The following AHI1 variants were observed in gnomAD, a reference collection of about 807,000 sequenced individuals.
AHI1 encodes jouberin.
A neutral mutation model predicts 149.3 loss-of-function variants in AHI1; 123 were observed. The observed-to-expected ratio is 0.82, with a 90% confidence interval of 0.71 to 0.96. AHI1 has a LOEUF of 0.96. Ranked by LOEUF, AHI1 falls within the 40% of genes least tolerant of loss-of-function variation. The probability of loss-of-function intolerance (pLI) is 0.00; values close to 1 mark genes in which losing one functional copy is unlikely to be tolerated. For synonymous variants in AHI1, 475 were observed against 459.8 expected, an observed-to-expected ratio of 1.03 and a Z score of -0.42; for missense variants, 1,439 against 1,422.7, an observed-to-expected ratio of 1.01 and a Z score of -0.18.
chr6:135,413,022 A>C (rs1304355259), intron 20 of AHI1, among the ~76,000 whole-genome samples: 1 of 152,184 alleles, frequency 6.6e-6, no homozygotes, highest in African/African-American at 2.4e-5. Flanking sequence ...GAACATTTAA[A>C]GAGTCTTCAT....
At chr6:135,487,613 T>C (rs1794666978) in intron 5 of AHI1, among the ~76,000 whole-genome samples, 1 of 152,192 alleles carries the variant, frequency 6.6e-6, no homozygotes, top group South Asian at 2.1e-4. Flanking sequence ...ATACAGTGTA[T>C]AATAATCAAA....
At chr6:135,351,769 T>C (rs1792150546) in intron 24 of AHI1, among the ~76,000 whole-genome samples, 1 of 152,184 alleles carries the variant, frequency 6.6e-6, no homozygotes, top group African/African-American at 2.4e-5. Context: ...TATTTGTGCT[T>C]TGGATAAACA....
At chr6:135,330,933 A>C (rs964982281) in intron 24 of AHI1, among the ~76,000 whole-genome samples, 1 of 152,232 alleles carries the variant, frequency 6.6e-6, no homozygotes, top group Non-Finnish European at 1.5e-5. Context: ...ATGTCCAATT[A>C]GATTTTATTA....
intron 20 of AHI1, among the ~76,000 whole-genome samples, chr6:135,414,259 G>A (rs1782023511): frequency 6.6e-6 from 1 of 152,084 alleles, no homozygotes. Flanking sequence ...TGAAAAAAAT[G>A]AACTTTGATC....
At chr6:135,432,352 C>A (rs1784784886) in intron 16 of AHI1, among the ~76,000 whole-genome samples, 1 of 151,970 alleles carries the variant, frequency 6.6e-6, no homozygotes, top group Non-Finnish European at 1.5e-5. Flanking sequence ...TTAAAACATA[C>A]TACATTATTC....
chr6:135,477,638 T>C (rs190396677), intron 5 of AHI1, among the ~76,000 whole-genome samples: 2 of 152,182 alleles, frequency 1.3e-5, no homozygotes, highest in East Asian at 1.9e-4. Flanking sequence ...TGCTTGAAAG[T>C]GTGTAGCACG....
At chr6:135,492,849 G>C in intron 3 of AHI1, 1 of 985,140 alleles carries the variant, frequency 1.0e-6, no homozygotes, top group Non-Finnish European at 1.2e-6. Context: ...CAAAACCATG[G>C]TTCAACTCAG....
At chr6:135,390,191 C>T (rs575021495) in intron 23 of AHI1, among the ~76,000 whole-genome samples, 1 of 152,142 alleles carries the variant, frequency 6.6e-6, no homozygotes, top group Non-Finnish European at 1.5e-5. Flanking sequence ...GATAAAATAA[C>T]ATAGAATAAA....
chr6:135,335,395 T>G (rs1789225329), intron 24 of AHI1, among the ~76,000 whole-genome samples: 1 of 152,052 alleles, frequency 6.6e-6, no homozygotes, highest in African/African-American at 2.4e-5. Context: ...ATCAGTTACC[T>G]ATTATCAAAT....
chr6:135,384,888 A>G (rs553905082), intron 23 of AHI1, among the ~76,000 whole-genome samples: 1 of 152,226 alleles, frequency 6.6e-6, no homozygotes, highest in African/African-American at 2.4e-5. Flanking sequence ...CAGGAGTTCA[A>G]CACCAGCCTG....
At chr6:135,333,042 C>CTCTCTGATGGTCCTTTTCT (rs1788835085) in intron 24 of AHI1, among the ~76,000 whole-genome samples, 1 of 152,208 alleles carries the variant, frequency 6.6e-6, no homozygotes, top group African/African-American at 2.4e-5. Flanking sequence ...GTGTCTTCTA[C>CTCTCTGATGGTCCTTTTCT]TCTCTGATGG....
At chr6:135,327,076 C>A (rs60201142) in intron 24 of AHI1, among the ~76,000 whole-genome samples, 1,775 of 152,272 alleles carry the variant, frequency 0.012, 39 homozygotes, top group African/African-American at 0.041. Flanking sequence ...TTATTTCATA[C>A]TTTTTAAAAT....
At chr6:135,302,217 A>G (rs1783966405) in intron 26 of AHI1, 2 of 985,256 alleles carry the variant, frequency 2.0e-6, no homozygotes, top group Non-Finnish European at 2.4e-6. Context: ...CCAGCAACTT[A>G]CCATCAATAT....
chr6:135,297,004 G>T (rs189117628), intron 27 of AHI1, among the ~76,000 whole-genome samples: 21 of 152,320 alleles, frequency 1.4e-4, no homozygotes, highest in Admixed American at 1.2e-3. Flanking sequence ...ACAGAGAGCA[G>T]ATGATCACAT....
At chr6:135,436,055 C>T (rs1423630005) in intron 15 of AHI1, among the ~76,000 whole-genome samples, 1 of 152,036 alleles carries the variant, frequency 6.6e-6, no homozygotes, top group East Asian at 1.9e-4. Flanking sequence ...TGGCAATGGG[C>T]CATTCAAATG....
intron 5 of AHI1, among the ~76,000 whole-genome samples, chr6:135,484,733 T>A (rs1292187196): frequency 6.6e-6 from 1 of 152,036 alleles, no homozygotes. Flanking sequence ...ATTACATATT[T>A]TTCTCAGTGA....
intron 5 of AHI1, among the ~76,000 whole-genome samples, chr6:135,471,166 GTCTCAAGGAAAAAATTTTAAAA>G (rs1234964607): frequency 6.6e-6 from 1 of 152,118 alleles, no homozygotes; most frequent in Non-Finnish European, 1.5e-5. Context: ...AAGATTTATG[GTCTCAAGGAAAAAATTTTAAAA>G]TTGAAACTCC....
In AHI1 at chr6:135,404,839, C is replaced by T; in HGVS notation, c.2988+112G>A. The T allele has an allele frequency of 7.8e-6, 7 of 892,262 alleles. No individual in the cohort carries two copies. In the South Asian group the frequency reaches 1.0e-4, roughly 13 times the overall value. 55.3% of individuals were successfully genotyped at this position (892,262 alleles called of 1,614,324 possible). A position where few individuals can be genotyped will look rare whatever the true frequency, so the allele number is the denominator to read the frequency against. ...AAGCTGAGCTCCAATAATGAAAGTA[C>T]ACATCAGATTAACTCTTATAAAGGT... On this transcript the variant is annotated intron_variant, in intron 22 of 28. Coordinates refer to ENST00000265602, the MANE Select transcript of AHI1 (RefSeq NM_001134831.2).
intron 21 of AHI1, among the ~76,000 whole-genome samples, chr6:135,405,515 G>C (rs984340135): frequency 5.3e-5 from 8 of 152,084 alleles, no homozygotes; most frequent in Non-Finnish European, 1.5e-5. Flanking sequence ...ACTAGTAAAA[G>C]TCGATGTATT....
Sources: gnomAD v4.1 joint callset for allele counts (sites outside exome capture counted in the v4.1 genomes callset) on GRCh38, gnomAD v4.1.1 for gene constraint, MANE v1.5 for transcripts, NCBI Gene and HGNC (gene_info 2026-07-23, HGNC 2026-07-21) for gene names.